The following MBNL2 variants were observed in gnomAD, a reference collection of about 807,000 sequenced individuals.
MBNL2 encodes the protein muscleblind-like protein 2.
Under a neutral mutation model 41.9 loss-of-function variants are expected in MBNL2, and 17 were observed. That is an observed-to-expected ratio of 0.41 (90% confidence interval 0.28 to 0.61). MBNL2 has a LOEUF of 0.61. Ranked by LOEUF, MBNL2 falls within the 20% of genes least tolerant of loss-of-function variation. MBNL2 has a pLI of 0.35. For synonymous variants in MBNL2, 195 were observed against 182.9 expected, an observed-to-expected ratio of 1.07 and a Z score of -0.53; for missense variants, 336 against 505.6, an observed-to-expected ratio of 0.66 and a Z score of 3.22.
upstream of MBNL2, among the ~76,000 whole-genome samples, chr13:97,220,324 T>G (rs1312285027): frequency 6.6e-6 from 1 of 152,202 alleles, no homozygotes; most frequent in Non-Finnish European, 1.5e-5. Flanking sequence ...GTTAAGGGTT[T>G]CAAAGCGTCT....
intron 1 of MBNL2, among the ~76,000 whole-genome samples, chr13:97,233,239 A>C (rs1390531727): frequency 7.0e-6 from 1 of 142,406 alleles, no homozygotes; most frequent in Non-Finnish European, 1.5e-5. Flanking sequence ...TTACATATGT[A>C]TACATGCGCC....
At chr13:97,189,685 A>T in the MBNL2 span, among the ~76,000 whole-genome samples, 1 of 152,180 alleles carries the variant, frequency 6.6e-6, no homozygotes, top group Non-Finnish European at 1.5e-5. Context: ...TGCATATTTT[A>T]TGTCTATATA....
intron 1 of MBNL2, among the ~76,000 whole-genome samples, chr13:97,235,882 A>G (rs944660555): frequency 2.0e-5 from 3 of 152,112 alleles, no homozygotes; most frequent in African/African-American, 7.2e-5. Flanking sequence ...CAAACAGAAA[A>G]AAAAAAAAAT....
intron 1 of MBNL2, among the ~76,000 whole-genome samples, chr13:97,248,424 C>T (rs932498526): frequency 2.0e-5 from 3 of 152,326 alleles, no homozygotes; most frequent in Non-Finnish European, 2.9e-5. Flanking sequence ...CGTGAGCCAC[C>T]GCACCCGGGG....
chr13:97,192,810 T>C, the MBNL2 span, among the ~76,000 whole-genome samples: 3 of 152,064 alleles, frequency 2.0e-5, no homozygotes, highest in African/African-American at 7.2e-5. Flanking sequence ...CCTCTAAAGG[T>C]GTAAGTTATG....
chr13:97,249,550 TATC>T (rs1168796259), intron 1 of MBNL2, among the ~76,000 whole-genome samples: 1 of 152,228 alleles, frequency 6.6e-6, no homozygotes, highest in Non-Finnish European at 1.5e-5. Flanking sequence ...GAAATGAAGA[TATC>T]ATTATTTATT....
At chr13:97,319,080 AG>A (rs1273549881) in intron 2 of MBNL2, among the ~76,000 whole-genome samples, 1 of 152,242 alleles carries the variant, frequency 6.6e-6, no homozygotes, top group East Asian at 1.9e-4. Flanking sequence ...CCCAGCCTAC[AG>A]GCAGGGTTTT....
intron 1 of MBNL2, among the ~76,000 whole-genome samples, chr13:97,251,327 T>C (rs2046455500): frequency 6.6e-6 from 1 of 151,956 alleles, no homozygotes; most frequent in Non-Finnish European, 1.5e-5. Context: ...CCTGATGTGA[T>C]TATTACACAT....
chr13:97,299,072 G>A (rs370529898), intron 2 of MBNL2, among the ~76,000 whole-genome samples: 3 of 152,180 alleles, frequency 2.0e-5, no homozygotes, highest in African/African-American at 7.2e-5. Context: ...GGAATTGCAG[G>A]ATTAGGACTG....
the MBNL2 span, among the ~76,000 whole-genome samples, chr13:97,197,592 T>C: frequency 2.0e-5 from 3 of 152,306 alleles, 1 homozygote; most frequent in South Asian, 6.2e-4. Context: ...TTTGCTCATT[T>C]TTGGTGCTTT....
intron 8 of MBNL2, among the ~76,000 whole-genome samples, chr13:97,389,723 A>G (rs2066246502): frequency 6.6e-6 from 1 of 151,852 alleles, no homozygotes; most frequent in Non-Finnish European, 1.5e-5. Flanking sequence ...AAAGAAAGAA[A>G]GAAAGAAAGA....
rs1299095253 is a variant in MBNL2 at position 97,347,047 on chromosome 13, G to A, written c.784G>A (p.Ala262Thr). ...NQAAVAAQAA[A>T]AAATVMTQST... ...AGCTGCGGTGGCCGCCCAGGCAGCC[G>A]CGGCCGCGGCCACAGTCATGGTAAG... Residue 262 changes from alanine (A) to threonine (T), a missense_variant, in exon 5 of 9, where the codon GCG becomes ACG. Ala to Thr is a moderately conservative substitution (Grantham distance 58, BLOSUM62 0). Coordinates refer to ENST00000679496, the MANE Select transcript of MBNL2 (RefSeq NM_001382683.1). 5.0e-6 allele frequency: 8 copies of A among 1,603,718 alleles called. No individual in the cohort carries two copies. Among genetic ancestry groups the A allele is most frequent in the South Asian group, 2.2e-5 (2 of 90,412 alleles).
In MBNL2 at chr13:97,353,840, C is replaced by T. The variant is rs555539568; in HGVS notation, c.805-2956C>T. On this transcript the variant is annotated intron_variant, in intron 5 of 8. Transcript: ENST00000679496. ...AAGACAAGCTGCCGTCAGCTAGATACGTTTCGATTGTTCAGGAAAGTCTGT... is the reference window on the plus strand; with the variant it reads ...AAGACAAGCTGCCGTCAGCTAGATATGTTTCGATTGTTCAGGAAAGTCTGT... Among the ~76,000 whole-genome samples, 13 of 152,150 alleles carry T rather than the reference C, an allele frequency of 8.5e-5. No individual in the cohort carries two copies. In the East Asian group the frequency reaches 1.6e-3, roughly 18 times the overall value.
the MBNL2 span, among the ~76,000 whole-genome samples, chr13:97,192,309 G>A: frequency 1.3e-5 from 2 of 152,090 alleles, no homozygotes; most frequent in African/African-American, 4.8e-5. Flanking sequence ...TGTTATCTTC[G>A]CTATTAGAAT....
chr13:97,368,110 T>C (rs1021694346), intron 8 of MBNL2, among the ~76,000 whole-genome samples: 11 of 152,132 alleles, frequency 7.2e-5, no homozygotes, highest in African/African-American at 2.2e-4. Flanking sequence ...AAAGTCCTTT[T>C]ATAAGAAAAC....
chr13:97,149,328 G>C, the MBNL2 span, among the ~76,000 whole-genome samples: 1 of 152,106 alleles, frequency 6.6e-6, no homozygotes, highest in African/African-American at 2.4e-5. Flanking sequence ...CTGCTTTCTC[G>C]TACACTGCGC....
the MBNL2 span, among the ~76,000 whole-genome samples, chr13:97,149,860 C>A: frequency 2.6e-5 from 4 of 152,172 alleles, no homozygotes; most frequent in South Asian, 6.2e-4. Context: ...AGGGCAGATG[C>A]CTCTCCCTCC....
intron 8 of MBNL2, among the ~76,000 whole-genome samples, chr13:97,383,693 G>C (rs1446408935): frequency 6.6e-6 from 1 of 152,124 alleles, no homozygotes; most frequent in Non-Finnish European, 1.5e-5. Flanking sequence ...CTCTTCTCCA[G>C]AGTAAAGCTG....
chr13:97,218,430 C>CAA (rs746110575), upstream of MBNL2, among the ~76,000 whole-genome samples: 113 of 69,016 alleles, frequency 1.6e-3, no homozygotes, highest in African/African-American at 0.011. Flanking sequence ...AAAAACAAAA[C>CAA]AAAACAAAAC....
Sources: gnomAD v4.1 joint callset for allele counts (sites outside exome capture counted in the v4.1 genomes callset) on GRCh38, gnomAD v4.1.1 for gene constraint, MANE v1.5 for transcripts, NCBI Gene and HGNC (gene_info 2026-07-23, HGNC 2026-07-21) for gene names.